NEK5: variants seen among roughly 807,000 people sequenced by gnomAD.
The protein encoded by NEK5 is NIMA related kinase 5.
NEK5 carries 88 observed loss-of-function variants against 109.2 expected under a neutral mutation model. The ratio of observed to expected loss-of-function variants is 0.81; its 90% confidence interval spans 0.68 to 0.96. The LOEUF (loss-of-function observed/expected upper bound fraction) is 0.96, where lower values mean the gene tolerates loss of function less well. Among genes scored for constraint, NEK5 ranks in the 40% least tolerant of loss-of-function variants. The pLI, the probability that NEK5 is intolerant of heterozygous loss-of-function variation, is 0.00. For synonymous variants in NEK5, 283 were observed against 299.9 expected (o/e 0.94, Z 0.58); for missense variants, 834 against 920.7 (o/e 0.91, Z 1.22).
At chr13:52,071,857 G>A in intron 20 of NEK5, 87 bp downstream of exon 20, 1 of 1,167,524 alleles carries the variant, frequency 8.6e-7, no homozygotes, top group Non-Finnish European at 1.3e-6. Flanking sequence ...TAACAGTGGA[G>A]CCGAGGCAGA....
Position 52,112,279 on chromosome 13 carries a change from T to A in NEK5, c.301A>T (p.Ser101Cys), listed in dbSNP as rs775408363. The part of the protein sequence containing the change: ...RINRQRGVLF[S>C]EDQILGWFVQ... ...TTAGAAGTTTTTACCTGATCTTCAC[T>A]AAATAACACACCCCGTTGTCTATTG... Residue 101 changes from serine to cysteine, a missense_variant, in exon 5 of 24, where the codon AGT becomes TGT. Coordinates refer to ENST00000684899, the MANE Select transcript of NEK5 (RefSeq NM_001365552.1). 6.2e-7 allele frequency: 1 copy of A among 1,603,924 alleles called. No homozygotes were observed. Among genetic ancestry groups the A allele is most frequent in the Non-Finnish European group, 8.5e-7 (1 of 1,171,124 alleles).
At chr13:52,107,605 A>T (rs1593988583) in intron 8 of NEK5, among the ~76,000 whole-genome samples, 1 of 151,854 alleles carries the variant, frequency 6.6e-6, no homozygotes, top group East Asian at 1.9e-4. Context: ...AAAATAAAAA[A>T]AAAAAAGCCA....
At chr13:52,078,303 C>T (rs573727429) in intron 17 of NEK5, among the ~76,000 whole-genome samples, 1 of 152,186 alleles carries the variant, frequency 6.6e-6, no homozygotes, top group African/African-American at 2.4e-5. Context: ...GAAAAAAGAG[C>T]ACATACAGCA....
intron 12 of NEK5, among the ~76,000 whole-genome samples, chr13:52,098,646 G>T (rs1955468498): frequency 6.6e-6 from 1 of 152,050 alleles, no homozygotes; most frequent in African/African-American, 2.4e-5. Flanking sequence ...TAATATGTTA[G>T]AATTAAGAAT....
chr13:52,062,214 T>A (rs1210880069), intron 21 of NEK5: 12 of 152,186 alleles, frequency 7.9e-5, no homozygotes, highest in African/African-American at 2.9e-4. Flanking sequence ...TATAACTTAA[T>A]AAGACAATTG....
At chr13:52,098,758 T>C (rs1955470535) in intron 12 of NEK5, among the ~76,000 whole-genome samples, 1 of 152,120 alleles carries the variant, frequency 6.6e-6, no homozygotes, top group Admixed American at 6.5e-5. Flanking sequence ...AAAAAGAAAA[T>C]TAAGCCTAAA....
rs201586510 is a variant in NEK5, at chr13:52,119,300, G to T, written c.214+19C>A. On this transcript the variant is annotated intron_variant, in intron 4 of 23. Transcript: ENST00000684899. ...CCTATACTTTATAAAAATACTTAAC[G>T]AATATTAGAAAATCAAACCTTGAAA... 5,853 of 1,388,528 alleles carry T rather than the reference G, an allele frequency of 4.2e-3. 22 individuals carry two copies. The highest frequency in any genetic ancestry group is 5.2e-3 in the Non-Finnish European group (5,143 of 985,316). The allele number at this position is 1,388,528 out of a possible 1,614,324, so 86.0% of individuals were successfully genotyped here.
chr13:52,063,017 G>A (rs951580625), intron 21 of NEK5, among the ~76,000 whole-genome samples: 3 of 151,884 alleles, frequency 2.0e-5, no homozygotes, highest in Non-Finnish European at 2.9e-5. Context: ...TATTAAGAAT[G>A]ACAATCTCTC....
intron 9 of NEK5, among the ~76,000 whole-genome samples, chr13:52,103,260 C>T (rs1955578968): frequency 6.6e-6 from 1 of 152,182 alleles, no homozygotes; most frequent in African/African-American, 2.4e-5. Context: ...AAAACCCTGA[C>T]TCTACTAAAA....
chr13:52,115,159 G>A lies in NEK5; in HGVS notation c.215-2794C>T, dbSNP rs561690422. ...TCTCCGAGTAGCTGGGACTACAGGC[G>A]CCCGCCACCATGCCCGGCTAATTTT... On this transcript the variant is annotated intron_variant, in intron 4 of 23. Coordinates refer to ENST00000684899, the MANE Select transcript of NEK5 (RefSeq NM_001365552.1). 2.1e-4 allele frequency among the ~76,000 whole-genome samples: 32 copies of A among 151,854 alleles called. No homozygotes were observed. The East Asian group carries it at 6.0e-3, about 28-fold the overall frequency.
At chr13:52,050,547 C>T (rs1425777813) in intron 22 of NEK5, among the ~76,000 whole-genome samples, 2 of 151,468 alleles carry the variant, frequency 1.3e-5, no homozygotes, top group Non-Finnish European at 2.9e-5. Flanking sequence ...CTGAGTCTCC[C>T]ACCATGGTTA....
At chr13:52,078,592 G>GTTTTTT (rs10634598) in intron 17 of NEK5, among the ~76,000 whole-genome samples, 1 of 149,266 alleles carries the variant, frequency 6.7e-6, no homozygotes. Context: ...CAATAAAACT[G>GTTTTTT]TTTTTTTTTT....
At chr13:52,080,353 A>G (rs11148238) in intron 17 of NEK5, among the ~76,000 whole-genome samples, 89,619 of 146,608 alleles carry the variant, frequency 0.61, 28,799 homozygotes, top group Non-Finnish European at 0.72. Flanking sequence ...GGGAAGTGAG[A>G]AGCCCCTCTG....
chr13:52,118,715 A>G (rs572670512), intron 4 of NEK5, among the ~76,000 whole-genome samples: 1 of 152,254 alleles, frequency 6.6e-6, no homozygotes, highest in East Asian at 1.9e-4. Context: ...GCAGTGTGCT[A>G]GGCTATGGTG....
At chr13:52,043,033 C>T (rs1188237861) in intron 23 of NEK5, among the ~76,000 whole-genome samples, 1 of 151,420 alleles carries the variant, frequency 6.6e-6, no homozygotes, top group Non-Finnish European at 1.5e-5. Context: ...ATAAGAAATA[C>T]AGCATAACAA....
intron 20 of NEK5, among the ~76,000 whole-genome samples, chr13:52,067,767 C>T (rs765540361): frequency 6.6e-5 from 10 of 150,840 alleles, no homozygotes; most frequent in Middle Eastern, 6.8e-3. Context: ...TCTTGTCTCA[C>T]TGCAACCTTC....
intron 13 of NEK5, among the ~76,000 whole-genome samples, chr13:52,092,686 G>GGCGGGC: frequency 6.6e-6 from 1 of 152,206 alleles, no homozygotes; most frequent in Non-Finnish European, 1.5e-5. Context: ...AGGAGTTCAA[G>GGCGGGC]ATCAGGTTGG....
chr13:52,093,791 G>A (rs904599819), intron 12 of NEK5, among the ~76,000 whole-genome samples: 1 of 152,038 alleles, frequency 6.6e-6, no homozygotes, highest in Non-Finnish European at 1.5e-5. Context: ...TTCATGGCTA[G>A]TATGTGAAAA....
chr13:52,119,271 C>A, intron 4 of NEK5, 48 bp downstream of exon 4: 1 of 1,005,928 alleles, frequency 9.9e-7, no homozygotes, highest in Non-Finnish European at 1.5e-6. Flanking sequence ...CATATGTCAA[C>A]ATGCCTATAC....
Sources: gnomAD v4.1 joint callset for allele counts (sites outside exome capture counted in the v4.1 genomes callset) on GRCh38, gnomAD v4.1.1 for gene constraint, MANE v1.5 for transcripts, NCBI Gene and HGNC (gene_info 2026-07-23, HGNC 2026-07-21) for gene names.